The following ATXN7L1 variants were observed in gnomAD, a reference collection of about 807,000 sequenced individuals.
ATXN7L1 encodes ataxin 7 like 1, also known as ataxin-7-like protein 1.
ATXN7L1 carries 15 observed loss-of-function variants against 70.8 expected under a neutral mutation model. That is an observed-to-expected ratio of 0.21 (90% confidence interval 0.14 to 0.33). The LOEUF (loss-of-function observed/expected upper bound fraction) is 0.33. Among genes scored for constraint, ATXN7L1 ranks in the 10% least tolerant of loss-of-function variants. The pLI is 1.00. For missense variants in ATXN7L1, 975 were observed against 1,097.1 expected (o/e 0.89, Z 1.57); for synonymous variants, 440 against 445.1 (o/e 0.99, Z 0.14).
In ATXN7L1 at chr7:105,802,901, T is replaced by G. The variant is rs534701422; in HGVS notation, c.251-14193A>C. Among the ~76,000 whole-genome samples, 9 of 152,332 alleles carry G rather than the reference T, an allele frequency of 5.9e-5. No homozygotes were observed. The South Asian group carries it at 1.9e-3, about 32-fold the overall frequency. ...GATTCAGAGGCATGACCTGTCTCTA[T>G]GGGGTTTGTGTCTGTGATTCCAGCA... On this transcript the variant is annotated intron_variant, in intron 2 of 11. Transcript: ENST00000419735.
intron 3 of ATXN7L1, among the ~76,000 whole-genome samples, chr7:105,751,898 G>T (rs1377878822): frequency 6.6e-6 from 1 of 152,132 alleles, no homozygotes; most frequent in African/African-American, 2.4e-5. Context: ...CTTATACTGG[G>T]CCTCCTTCGG....
rs186143313 is a variant in ATXN7L1 at position 105,612,371 on chromosome 7, A to G, written c.2472+1491T>C. 2.0e-4 allele frequency among the ~76,000 whole-genome samples: 31 copies of G among 152,346 alleles called. No homozygotes were observed. In the East Asian group the frequency reaches 5.8e-3, roughly 28 times the overall value. ...CGTGTTAGCTGCTGGGACTGTATCTAAAATGAGTGAGATACCACGGCCTTG... is the reference window on the plus strand; with the variant it reads ...CGTGTTAGCTGCTGGGACTGTATCTGAAATGAGTGAGATACCACGGCCTTG... On this transcript the variant is annotated intron_variant, in intron 10 of 11. Transcript: ENST00000419735.
rs147930086 is a variant in ATXN7L1, at chr7:105,614,156, G to A, written c.2178C>T (p.Pro726=). 1.2e-4 allele frequency: 183 copies of A among 1,551,676 alleles called. 1 individual carries two copies. Among genetic ancestry groups the A allele is most frequent in the East Asian group, 7.6e-4 (31 of 40,914 alleles). Residue 726 remains proline (P), a synonymous_variant, in exon 10 of 12, where the codon CCC becomes CCT. Transcript: ENST00000419735. This position sits in a 1 kb window ranked among gnomAD's most constrained non-coding sequence, Gnocchi z 4.3. ...PSGRTSLPGG[P]ADIVRQVGAV... is the part of the protein sequence containing the mutation. ...CGCCCACCTGTCTCACTATGTCCGC[G>A]GGGCCGCCGGGCAGCGAGGTCCGTC...
At chr7:105,671,890 A>AT (rs1803782102) in intron 3 of ATXN7L1, among the ~76,000 whole-genome samples, 1 of 1,814 alleles carries the variant, frequency 5.5e-4, no homozygotes, top group Non-Finnish European at 1.2e-3. Context: ...ACCCTGTCTC[A>AT]AAAAAAAAAA....
intron 2 of ATXN7L1, chr7:105,819,808 G>T: frequency 1.5e-6 from 1 of 646,978 alleles, no homozygotes. Flanking sequence ...GGTGTTTGAC[G>T]GCATCCCACC....
chr7:105,736,177 C>T (rs966776486), intron 3 of ATXN7L1, among the ~76,000 whole-genome samples: 2 of 152,224 alleles, frequency 1.3e-5, no homozygotes, highest in African/African-American at 2.4e-5. Context: ...CTTCAGTCAC[C>T]GAGTGGCAAC....
At chr7:105,825,049 A>G (rs1201646294) in intron 2 of ATXN7L1, among the ~76,000 whole-genome samples, 2 of 152,246 alleles carry the variant, frequency 1.3e-5, no homozygotes, top group African/African-American at 4.8e-5. Flanking sequence ...GGTCTCACAC[A>G]AGACTGGCAT....
chr7:105,875,751 C>T lies in ATXN7L1; in HGVS notation c.250+61G>A. ...CCAGCAGAACAATTCACATTATATT[C>T]GAAATCCTGTGAAGATTCTGCCACA... On this transcript the variant is annotated intron_variant, in intron 2 of 11. Transcript: ENST00000419735. 2.0e-6 allele frequency: 3 copies of T among 1,497,496 alleles called. No homozygotes were observed. In the South Asian group the frequency reaches 3.4e-5, roughly 17 times the overall value. The allele number at this position is 1,497,496 out of a possible 1,614,324, so 92.8% of individuals were successfully genotyped here.
intron 11 of ATXN7L1, among the ~76,000 whole-genome samples, chr7:105,608,798 C>T (rs1410785106): frequency 6.6e-6 from 1 of 152,146 alleles, no homozygotes; most frequent in South Asian, 2.1e-4. Flanking sequence ...GTGGGAAAAT[C>T]CCAAAGGGCA....
intron 3 of ATXN7L1, among the ~76,000 whole-genome samples, chr7:105,735,065 C>T (rs941873531): frequency 2.0e-5 from 3 of 152,210 alleles, no homozygotes; most frequent in African/African-American, 4.8e-5. Flanking sequence ...AAGACTCACA[C>T]TTCTCCTCTG....
chr7:105,819,481 G>T, intron 2 of ATXN7L1: 1 of 805,032 alleles, frequency 1.2e-6, no homozygotes, highest in Non-Finnish European at 2.2e-6. Context: ...TTTCCCAGGG[G>T]GCTGCTGAAG....
At chr7:105,652,748 A>G (rs1172824239) in intron 4 of ATXN7L1, among the ~76,000 whole-genome samples, 6 of 152,210 alleles carry the variant, frequency 3.9e-5, no homozygotes, top group African/African-American at 1.4e-4. Flanking sequence ...TCCCATCCTA[A>G]GCCTTTGGCC....
At chr7:105,749,922 ACTG>A (rs1392145682) in intron 3 of ATXN7L1, among the ~76,000 whole-genome samples, 1 of 151,922 alleles carries the variant, frequency 6.6e-6, no homozygotes, top group Non-Finnish European at 1.5e-5. Context: ...CTGGGCACTT[ACTG>A]CCTAAAAATG....
At position 105,641,212 on chromosome 7, in the gene ATXN7L1, C is replaced by CTTTTTTTT. The variant is rs1330033741; in HGVS notation, c.862+1625_862+1626insAAAAAAAA. On this transcript the variant is annotated intron_variant, in intron 5 of 11. Coordinates refer to ENST00000419735, the MANE Select transcript of ATXN7L1 (RefSeq NM_020725.2). ...CTGCCTTTTCTCTCTCTCTCTCTCT[C>CTTTTTTTT]TCTTTTTTTTTTTTTTTTTTTTTTT... Among the ~76,000 whole-genome samples, 200 of 63,978 alleles carry CTTTTTTTT rather than the reference C, an allele frequency of 3.1e-3. 5 individuals are homozygous for CTTTTTTTT. The highest frequency in any genetic ancestry group is 8.8e-3 in the African/African-American group (145 of 16,492). 42.0% of individuals were successfully genotyped at this position (63,978 alleles called of 152,430 possible). A position where few individuals can be genotyped will look rare whatever the true frequency, so the allele number is the denominator to read the frequency against.
chr7:105,634,804 G>T lies in ATXN7L1; in HGVS notation c.1202+3549C>A, dbSNP rs1032602889. ...GAAATCAGGGAGAGAATAAGGCGGG[G>T]TGCAGCAGCTCATGCCTGTAATCCC... On this transcript the variant is annotated intron_variant, in intron 7 of 11. Coordinates refer to ENST00000419735, the MANE Select transcript of ATXN7L1 (RefSeq NM_020725.2). 2.7e-4 allele frequency among the ~76,000 whole-genome samples: 41 copies of T among 152,226 alleles called. 1 individual carries two copies. Among genetic ancestry groups the T allele is most frequent in the Admixed American group, 2.3e-3 (35 of 15,288 alleles).
At chr7:105,750,283 C>CTTTT (rs200153235) in intron 3 of ATXN7L1, among the ~76,000 whole-genome samples, 2 of 146,042 alleles carry the variant, frequency 1.4e-5, no homozygotes, top group African/African-American at 2.5e-5. Flanking sequence ...TATAATTGCT[C>CTTTT]TTTTTTTTTT....
intron 2 of ATXN7L1, among the ~76,000 whole-genome samples, chr7:105,817,294 C>T (rs1563117297): frequency 6.6e-6 from 1 of 152,136 alleles, no homozygotes; most frequent in Non-Finnish European, 1.5e-5. Flanking sequence ...ATGCAAACCA[C>T]ATGAAAATGG....
chr7:105,761,112 G>A (rs1173207977), intron 3 of ATXN7L1: 6 of 1,123,778 alleles, frequency 5.3e-6, no homozygotes, highest in African/African-American at 1.6e-5. Flanking sequence ...TTTTGCAGTT[G>A]TCCAGGTGGG....
At chr7:105,857,353 A>G (rs1815890649) in intron 2 of ATXN7L1, among the ~76,000 whole-genome samples, 1 of 152,132 alleles carries the variant, frequency 6.6e-6, no homozygotes, top group Admixed American at 6.5e-5. Flanking sequence ...AAGGCATTCT[A>G]ATCACATTTC....
Sources: allele counts gnomAD v4.1 joint callset (sites outside exome capture counted in the v4.1 genomes callset), GRCh38; gene constraint gnomAD v4.1.1; non-coding constraint Gnocchi (gnomAD v3.1); transcripts MANE v1.5; gene names NCBI Gene and HGNC (gene_info 2026-07-23, HGNC 2026-07-21).